SDCCAG8: variants seen among roughly 807,000 people sequenced by gnomAD.
The protein encoded by SDCCAG8 is serologically defined colon cancer antigen 8.
Under a neutral mutation model 101.8 loss-of-function variants are expected in SDCCAG8, and 74 were observed. The ratio of observed to expected loss-of-function variants is 0.73; its 90% CI spans 0.60 to 0.88. The LOEUF (loss-of-function observed/expected upper bound fraction) is 0.88. Among genes scored for constraint, SDCCAG8 ranks in the 40% least tolerant of loss-of-function variants. The pLI is 0.00. For synonymous variants in SDCCAG8, 281 were observed against 292.9 expected, an observed-to-expected ratio of 0.96 and a Z score of 0.41; for missense variants, 787 against 822.6, an observed-to-expected ratio of 0.96 and a Z score of 0.53.
In SDCCAG8 at chr1:243,499,476, T is replaced by TAACA. The variant is rs571682794; in HGVS notation, c.2113-279_2113-276dup. ...AAGAGATGGCTCTCTGGCCATGTCCTAACACCAGACTGTCCTTATTTAAGA... is the reference window on the plus strand; with the variant it reads ...AAGAGATGGCTCTCTGGCCATGTCCTAACAAACACCAGACTGTCCTTATTTAAGA... On this transcript the variant is annotated intron_variant, in intron 17 of 17. Transcript: ENST00000366541. Among the ~76,000 whole-genome samples the TAACA allele has an allele frequency of 3.2e-4, 48 of 152,368 alleles. No individual in the cohort carries two copies. In the East Asian group the frequency reaches 4.8e-3, roughly 15 times the overall value.
Position 243,344,308 on chromosome 1 carries a change from A to G in SDCCAG8, c.1450A>G (p.Arg484Gly). The G allele has an allele frequency of 6.2e-7, 1 of 1,613,148 alleles. No homozygotes were observed. The highest frequency in any genetic ancestry group is 8.5e-7 in the Non-Finnish European group (1 of 1,179,144). The change falls in exon 12 of 18, where the codon AGG (arginine) becomes GGG (glycine). Residue 484 changes from arginine to glycine, a missense_variant. Arg to Gly is a moderately radical substitution (Grantham distance 125). Transcript: ENST00000366541. ...CAGAGAGTTCAGAGCAAAAACTAAC[A>G]GGGATCTTGAAATTAAAGATCAGGT... ...EHREFRAKTN[R>G]DLEIKDQEIE...
chr1:243,458,580 T>C lies in SDCCAG8; in HGVS notation c.1986-30434T>C, dbSNP rs1035182286. 2.6e-5 allele frequency among the ~76,000 whole-genome samples: 4 copies of C among 152,066 alleles called. No homozygotes were observed. The highest frequency in any genetic ancestry group is 6.6e-5 in the Admixed American group (1 of 15,264). On this transcript the variant is annotated intron_variant, in intron 16 of 17. Transcript: ENST00000366541. This position sits in a 1 kb window ranked among gnomAD's most constrained non-coding sequence, Gnocchi z 4.5. ...ACTAGCAATATCCCCATTTTAACAA[T>C]GAGGAAACTGAGGCACAGTGAGGTT...
chr1:243,378,742 G>A lies in SDCCAG8; in HGVS notation c.1495G>A (p.Glu499Lys), dbSNP rs2077751717. 4.3e-6 allele frequency: 7 copies of A among 1,614,030 alleles called. No individual in the cohort carries two copies. In the East Asian group the frequency reaches 1.6e-4, roughly 36 times the overall value. Residue 499 changes from glutamate (E) to lysine (K), a missense_variant, in exon 13 of 18, where the codon GAA becomes AAA. By Grantham distance (56) the Glu-to-Lys change is moderately conservative. Transcript: ENST00000366541. ...KDQEIEKLRI[E>K]LDESKQHLEQ... is the part of the protein sequence containing the mutation. The stretch of plus-strand genomic sequence containing the variant: ...TAAGGAAATAGAGAAATTGAGAATA[G>A]AACTGGATGAAAGCAAACAACACTT...
intron 13 of SDCCAG8, among the ~76,000 whole-genome samples, chr1:243,388,940 C>T (rs985790731): frequency 4.1e-5 from 6 of 146,560 alleles, no homozygotes; most frequent in African/African-American, 1.3e-4. Flanking sequence ...TGGGAAGCTA[C>T]GTGGTGGTGC....
At chr1:243,332,103 TAA>T (rs750629721) in intron 10 of SDCCAG8, among the ~76,000 whole-genome samples, 250 of 152,214 alleles carry the variant, frequency 1.6e-3, no homozygotes, top group Non-Finnish European at 2.7e-3. Context: ...CCCAGGAATA[TAA>T]CACACCCAAG....
At chr1:243,257,122 A>G (rs955173545) in intron 1 of SDCCAG8, among the ~76,000 whole-genome samples, 14 of 152,238 alleles carry the variant, frequency 9.2e-5, no homozygotes, top group African/African-American at 2.7e-4. Context: ...AATAATCCCC[A>G]TAAAGCAGTG....
chr1:243,289,540 G>A (rs2070006197), intron 5 of SDCCAG8, among the ~76,000 whole-genome samples: 2 of 152,188 alleles, frequency 1.3e-5, no homozygotes, highest in Admixed American at 6.5e-5. Flanking sequence ...TAATGTGCGA[G>A]GCACTGTGTC....
chr1:243,414,845 ATG>A (rs35826806), intron 13 of SDCCAG8, among the ~76,000 whole-genome samples: 6,158 of 148,874 alleles, frequency 0.041, 381 homozygotes, highest in African/African-American at 0.13. Context: ...CCATTCTAAT[ATG>A]TGTGTGTGTG....
Position 243,418,006 on chromosome 1 carries a change from T to G in SDCCAG8, c.1783T>G (p.Phe595Val), listed in dbSNP as rs776765317. Reference sequence around the variant, plus strand: ...TTTGTTGCTGACCTCCCAGAATACATTTTTGACAAAGTTAAAGGAAGAATG... The same window carrying G: ...TTTGTTGCTGACCTCCCAGAATACAGTTTTGACAAAGTTAAAGGAAGAATG... Reference protein sequence around the residue: ...QYLLLTSQNTFLTKLKEECCT... With the variant: ...QYLLLTSQNTVLTKLKEECCT... The change falls in exon 15 of 18, where the codon TTT becomes GTT. Residue 595 changes from phenylalanine (F) to valine (V), a missense_variant. Physicochemically the swap from Phe to Val is conservative, Grantham distance 50. Coordinates refer to ENST00000366541, the MANE Select transcript of SDCCAG8 (RefSeq NM_006642.5). 2.3e-5 allele frequency: 37 copies of G among 1,612,894 alleles called. 2 individuals are homozygous for G. In the Middle Eastern group the frequency reaches 8.2e-4, roughly 36 times the overall value.
chr1:243,498,812 C>T (rs759545398), intron 17 of SDCCAG8, among the ~76,000 whole-genome samples: 5 of 152,190 alleles, frequency 3.3e-5, no homozygotes, highest in African/African-American at 4.8e-5. Flanking sequence ...AGGCCCACTT[C>T]TCTTTTTGGA....
chr1:243,454,715 G>T (rs1471819415), intron 16 of SDCCAG8, among the ~76,000 whole-genome samples: 1 of 152,172 alleles, frequency 6.6e-6, no homozygotes, highest in Non-Finnish European at 1.5e-5. Context: ...GATGTCTAAA[G>T]CCTGTGCTCC....
intron 15 of SDCCAG8, among the ~76,000 whole-genome samples, chr1:243,418,381 T>G (rs569864854): frequency 6.6e-6 from 1 of 152,308 alleles, no homozygotes; most frequent in African/African-American, 2.4e-5. Context: ...AATCAAGCAG[T>G]TATAAAATCT....
chr1:243,362,603 A>G (rs2076782307), intron 12 of SDCCAG8, among the ~76,000 whole-genome samples: 1 of 152,226 alleles, frequency 6.6e-6, no homozygotes, highest in Non-Finnish European at 1.5e-5. Context: ...ACATGTAATA[A>G]TTGCTCAATA....
intron 16 of SDCCAG8, among the ~76,000 whole-genome samples, chr1:243,480,164 C>T (rs1439696295): frequency 1.3e-5 from 2 of 150,584 alleles, no homozygotes; most frequent in Admixed American, 6.7e-5. Flanking sequence ...TCTAGTCTAG[C>T]TGTTGCGGGG....
chr1:243,263,222 GA>G (rs1284014188), intron 1 of SDCCAG8, among the ~76,000 whole-genome samples: 2 of 152,130 alleles, frequency 1.3e-5, no homozygotes, highest in Non-Finnish European at 2.9e-5. Flanking sequence ...TTGTTTTATT[GA>G]TTTTTTTTTA....
chr1:243,447,279 A>AT (rs2082997233), intron 16 of SDCCAG8, among the ~76,000 whole-genome samples: 1 of 140,898 alleles, frequency 7.1e-6, no homozygotes, highest in African/African-American at 2.6e-5. Context: ...AAAAAAAACC[A>AT]TGCCTCATTC....
Position 243,350,701 on chromosome 1 carries a change from G to A in SDCCAG8, c.1473+6370G>A, listed in dbSNP as rs1303780858. 6.6e-5 allele frequency among the ~76,000 whole-genome samples: 10 copies of A among 152,250 alleles called. No individual in the cohort carries two copies. The East Asian group carries it at 1.7e-3, about 26-fold the overall frequency. ...AATATGGACAGAACAAGAACAAAGG[G>A]ATTTAACTACAGCAACTACAAATCA... is the stretch of plus-strand genomic sequence containing the variant. On this transcript the variant is annotated intron_variant, in intron 12 of 17. Coordinates refer to ENST00000366541, the MANE Select transcript of SDCCAG8 (RefSeq NM_006642.5).
At chr1:243,318,807 T>C (rs2073495125) in intron 9 of SDCCAG8, among the ~76,000 whole-genome samples, 1 of 152,212 alleles carries the variant, frequency 6.6e-6, no homozygotes, top group Non-Finnish European at 1.5e-5. Context: ...CCGCAGTTAC[T>C]TCACTCCTGA....
At chr1:243,328,804 T>C (rs1450535836) in intron 9 of SDCCAG8, among the ~76,000 whole-genome samples, 1 of 152,248 alleles carries the variant, frequency 6.6e-6, no homozygotes, top group Non-Finnish European at 1.5e-5. Context: ...TTACTGTTGC[T>C]TGTTCTTTAG....
Sources: gnomAD v4.1 joint callset for allele counts (sites outside exome capture counted in the v4.1 genomes callset) on GRCh38, gnomAD v4.1.1 for gene constraint, Gnocchi (gnomAD v3.1) non-coding constraint, MANE v1.5 for transcripts, NCBI Gene and HGNC (gene_info 2026-07-23, HGNC 2026-07-21) for gene names.